THSD4: variants seen among roughly 807,000 people sequenced by gnomAD.
THSD4 encodes thrombospondin type 1 domain containing 4.
THSD4 carries 69 observed loss-of-function variants against 119.0 expected under a neutral mutation model. That is an observed-to-expected ratio of 0.58 (90% CI 0.48 to 0.71). The LOEUF is 0.71. Ranked by LOEUF, THSD4 falls within the 30% of genes least tolerant of loss-of-function variation. The probability of loss-of-function intolerance (pLI) is 0.00; values close to 1 mark genes in which losing one functional copy is unlikely to be tolerated. For missense variants in THSD4, 1,393 were observed against 1,391.1 expected (o/e 1.00, Z -0.02); for synonymous variants, 524 against 540.4 (o/e 0.97, Z 0.42).
chr15:71,671,607 A>G (rs1271934069), intron 8 of THSD4, among the ~76,000 whole-genome samples: 1 of 152,146 alleles, frequency 6.6e-6, no homozygotes, highest in Non-Finnish European at 1.5e-5. Context: ...TAGGGTTTTT[A>G]TGGTTTTAGG....
At chr15:71,399,480 C>A (rs1023162290) in intron 6 of THSD4, among the ~76,000 whole-genome samples, 2 of 152,172 alleles carry the variant, frequency 1.3e-5, no homozygotes, top group East Asian at 3.8e-4. Flanking sequence ...AGGAAACTTC[C>A]TCCTTGCAAG....
chr15:71,770,169 A>G (rs2053793974), intron 16 of THSD4, among the ~76,000 whole-genome samples: 1 of 130,138 alleles, frequency 7.7e-6, no homozygotes, highest in African/African-American at 3.1e-5. Context: ...AATTGCTTGA[A>G]CCCAGGAGGC....
At chr15:71,215,013 T>A (rs28704071) in intron 3 of THSD4, 22 bp from the exon 4 acceptor site, 162,391 of 1,245,220 alleles carry the variant, frequency 0.13, 11,405 homozygotes, top group African/African-American at 0.23. Flanking sequence ...TCTGGTCCCC[T>A]AACCTGCCTC....
At chr15:71,741,680 C>A (rs2053237705) in intron 11 of THSD4, among the ~76,000 whole-genome samples, 1 of 112,708 alleles carries the variant, frequency 8.9e-6, no homozygotes, top group Non-Finnish European at 1.8e-5. Flanking sequence ...CCCATGTGTG[C>A]ATGTACACAC....
At chr15:71,134,702 A>ACTT (rs1416824368) in intron 1 of THSD4, among the ~76,000 whole-genome samples, 1 of 152,170 alleles carries the variant, frequency 6.6e-6, no homozygotes, top group East Asian at 1.9e-4. Context: ...CGCCACACTG[A>ACTT]CTTCCACAAT....
At chr15:71,714,991 C>T (rs1167552198) in intron 8 of THSD4, among the ~76,000 whole-genome samples, 1 of 152,206 alleles carries the variant, frequency 6.6e-6, no homozygotes, top group Non-Finnish European at 1.5e-5. Context: ...AAGCTGCCAT[C>T]ATTAGATACA....
intron 6 of THSD4, among the ~76,000 whole-genome samples, chr15:71,297,320 T>G (rs551885607): frequency 0.017 from 2,555 of 148,086 alleles, 56 homozygotes; most frequent in Middle Eastern, 0.031. Flanking sequence ...CTCTTCTTTT[T>G]TTTGTTTGTT....
At chr15:71,421,158 C>CAAAAAAAAAAAAAAAAAA (rs769831708) in intron 7 of THSD4, among the ~76,000 whole-genome samples, 4 of 18,788 alleles carry the variant, frequency 2.1e-4, no homozygotes, top group African/African-American at 5.5e-4. Context: ...GACTCCGTCT[C>CAAAAAAAAAAAAAAAAAA]AAAAAAAAAA....
intron 6 of THSD4, among the ~76,000 whole-genome samples, chr15:71,401,142 G>A (rs886405680): frequency 6.6e-6 from 1 of 152,064 alleles, no homozygotes; most frequent in South Asian, 2.1e-4. Context: ...CTATGCAGTA[G>A]CAAAGCTCCC....
chr15:71,671,008 A>G (rs1407972426), intron 8 of THSD4, among the ~76,000 whole-genome samples: 1 of 152,214 alleles, frequency 6.6e-6, no homozygotes, highest in Non-Finnish European at 1.5e-5. Context: ...TCTTTTGGGT[A>G]TATACCCAGT....
chr15:71,141,208 C>T (rs930288237), intron 1 of THSD4, among the ~76,000 whole-genome samples: 29 of 152,212 alleles, frequency 1.9e-4, no homozygotes, highest in African/African-American at 6.3e-4. Context: ...CTGAGGTGAT[C>T]GTTCTGATAG....
intron 7 of THSD4, among the ~76,000 whole-genome samples, chr15:71,575,824 A>C (rs1352829208): frequency 7.0e-6 from 1 of 142,642 alleles, no homozygotes; most frequent in Non-Finnish European, 1.6e-5. Flanking sequence ...AATATTTGGC[A>C]AAGGAATGAA....
chr15:71,100,554 C>A (rs574495672), intron 1 of THSD4, among the ~76,000 whole-genome samples: 21 of 152,294 alleles, frequency 1.4e-4, no homozygotes, highest in African/African-American at 4.8e-4. Context: ...TTAGCCATGC[C>A]TGCATTCCTG....
At chr15:71,698,936 G>A (rs562272046) in intron 8 of THSD4, among the ~76,000 whole-genome samples, 1 of 152,128 alleles carries the variant, frequency 6.6e-6, no homozygotes, top group African/African-American at 2.4e-5. Flanking sequence ...AATGGGAGGT[G>A]TTATTCAAAG....
At chr15:71,592,689 G>A (rs532715640) in intron 7 of THSD4, among the ~76,000 whole-genome samples, 4 of 152,114 alleles carry the variant, frequency 2.6e-5, no homozygotes, top group South Asian at 4.2e-4. Flanking sequence ...GGGAAAACAC[G>A]TTCATAGTTC....
intron 7 of THSD4, among the ~76,000 whole-genome samples, chr15:71,457,302 C>T (rs939144366): frequency 4.0e-5 from 6 of 148,390 alleles, no homozygotes; most frequent in Non-Finnish European, 8.9e-5. Context: ...ATTGCTTGAG[C>T]CCAGGAAGCA....
In THSD4 at chr15:71,475,584, G is replaced by T. The variant is rs559199275; in HGVS notation, c.1152+63761G>T. Among the ~76,000 whole-genome samples, 32 of 152,224 alleles carry T rather than the reference G, an allele frequency of 2.1e-4. No individual in the cohort carries two copies. In the Middle Eastern group the frequency reaches 0.01, roughly 49 times the overall value. ...GTTCTCAGGTAATTCTGCTGCTGCT[G>T]GTCCAAGGACCACACTCTAAGTAGC... is the stretch of plus-strand genomic sequence containing the variant. On this transcript the variant is annotated intron_variant, in intron 7 of 17. Transcript: ENST00000261862.
chr15:71,759,453 C>G (rs2053595822), intron 15 of THSD4, among the ~76,000 whole-genome samples: 2 of 152,168 alleles, frequency 1.3e-5, no homozygotes, highest in African/African-American at 4.8e-5. Context: ...ACGAGGTTTT[C>G]ATAAGATGCT....
intron 7 of THSD4, among the ~76,000 whole-genome samples, chr15:71,602,802 GT>G (rs2050039729): frequency 6.6e-6 from 1 of 152,110 alleles, no homozygotes; most frequent in Admixed American, 6.5e-5. Flanking sequence ...GAATTGGATA[GT>G]TTTGACTGTT....
Sources: gnomAD v4.1 joint callset for allele counts (sites outside exome capture counted in the v4.1 genomes callset) on GRCh38, gnomAD v4.1.1 for gene constraint, MANE v1.5 for transcripts, NCBI Gene and HGNC (gene_info 2026-07-23, HGNC 2026-07-21) for gene names.